MGRN1: variants seen among roughly 807,000 people sequenced by gnomAD.
The protein encoded by MGRN1 is mahogunin ring finger 1.
A neutral mutation model predicts 69.2 loss-of-function variants in MGRN1; 29 were observed. The ratio of observed to expected loss-of-function variants is 0.42; its 90% CI spans 0.31 to 0.57. The LOEUF is 0.57. Ranked by LOEUF, MGRN1 falls within the 20% of genes least tolerant of loss-of-function variation. The probability of loss-of-function intolerance (pLI) is 0.15; values close to 1 mark genes in which losing one functional copy is unlikely to be tolerated. For missense variants in MGRN1, 998 were observed against 796.2 expected (o/e 1.25, Z -3.05); for synonymous variants, 470 against 344.2 (o/e 1.37, Z -4.04).
At chr16:4,656,359 C>A (rs2078537925) in intron 4 of MGRN1, among the ~76,000 whole-genome samples, 1 of 152,204 alleles carries the variant, frequency 6.6e-6, no homozygotes, top group Admixed American at 6.5e-5. Context: ...GTTCACAGGA[C>A]ACAGCCCCTG....
rs2079092286 is a variant in MGRN1, at chr16:4,678,060, T to A, written c.1065+488T>A. Among the ~76,000 whole-genome samples the A allele has an allele frequency of 3.3e-5, 5 of 152,158 alleles. No individual in the cohort carries two copies. In the South Asian group the frequency reaches 1.0e-3, roughly 32 times the overall value. Reference sequence around the variant, plus strand: ...GTGGGGTTTCCCATGTTGCCCAGGCTGGTCTCGAACTCTTGGGCTCAAGTG... The same window carrying A: ...GTGGGGTTTCCCATGTTGCCCAGGCAGGTCTCGAACTCTTGGGCTCAAGTG... On this transcript the variant is annotated intron_variant, in intron 11 of 16. Transcript: ENST00000262370.
intron 1 of MGRN1, among the ~76,000 whole-genome samples, chr16:4,636,795 T>C (rs1287580274): frequency 2.0e-5 from 3 of 152,146 alleles, no homozygotes; most frequent in African/African-American, 7.2e-5. Context: ...GTCCTGCTGT[T>C]GAAGTGCCTT....
Position 4,688,792 on chromosome 16 carries a change from G to A in MGRN1, c.1619-4G>A, listed in dbSNP as rs562766524. On this transcript the variant is annotated splice_polypyrimidine_tract_variant and splice_region_variant and intron_variant, in intron 16 of 16. Coordinates refer to ENST00000262370, the MANE Select transcript of MGRN1 (RefSeq NM_015246.4). ...GACCCTCCTCCCTCTGCTCCCACCT[G>A]CAGGACGGCCCACCTCCATGGAGAC... 1.8e-5 allele frequency: 28 copies of A among 1,542,696 alleles called. No individual in the cohort carries two copies. In the South Asian group the frequency reaches 3.1e-4, roughly 17 times the overall value.
intron 1 of MGRN1, among the ~76,000 whole-genome samples, chr16:4,646,867 C>T (rs2078285382): frequency 6.6e-6 from 1 of 152,176 alleles, no homozygotes; most frequent in Non-Finnish European, 1.5e-5. Context: ...GCTTCTGGAC[C>T]AGGGACCTGT....
At chr16:4,665,731 G>A (rs1303867200) in intron 7 of MGRN1, among the ~76,000 whole-genome samples, 1 of 146,706 alleles carries the variant, frequency 6.8e-6, no homozygotes, top group Admixed American at 6.8e-5. Flanking sequence ...GTGCAGTGGT[G>A]GGATCTGTGT....
intron 10 of MGRN1, among the ~76,000 whole-genome samples, chr16:4,674,235 C>G (rs1336070052): frequency 6.6e-6 from 1 of 152,162 alleles, no homozygotes; most frequent in African/African-American, 2.4e-5. Context: ...CTGCCTGCCT[C>G]AGCCTCTCAA....
At chr16:4,685,600 A>T (rs1596320850) in intron 16 of MGRN1, among the ~76,000 whole-genome samples, 1 of 152,238 alleles carries the variant, frequency 6.6e-6, no homozygotes, top group South Asian at 2.1e-4. Context: ...GTTCTGAGCC[A>T]CGGAGAGCAC....
chr16:4,682,940 C>G lies in MGRN1; in HGVS notation c.1476C>G (p.Ser492=). ...AGCTGGCCCTGCGGGAAAGCAGCTC[C>G]CCTGAGGTGAGGCCCCCCCGGGGAA... ...GAELALRESS[S]PESFITEEVD... is the part of the protein sequence containing the mutation. Residue 492 remains serine, a synonymous_variant, in exon 14 of 17, where the codon TCC becomes TCG. Transcript: ENST00000262370. The G allele has an allele frequency of 6.3e-7, 1 of 1,576,132 alleles. No homozygotes were observed. The highest frequency in any genetic ancestry group is 8.6e-7 in the Non-Finnish European group (1 of 1,158,806).
chr16:4,687,954 C>A, intron 16 of MGRN1: 1 of 985,700 alleles, frequency 1.0e-6, no homozygotes, highest in South Asian at 4.7e-5. Flanking sequence ...CAGACGGCCC[C>A]GGCCTGCGCA....
chr16:4,642,930 G>A (rs2078194609), intron 1 of MGRN1, among the ~76,000 whole-genome samples: 1 of 151,808 alleles, frequency 6.6e-6, no homozygotes, highest in South Asian at 2.1e-4. Flanking sequence ...TGGACTGCAA[G>A]TACGCATCAC....
intron 10 of MGRN1, among the ~76,000 whole-genome samples, chr16:4,675,700 C>T (rs958668967): frequency 1.3e-5 from 2 of 151,136 alleles, no homozygotes; most frequent in Admixed American, 6.6e-5. Context: ...CACCACTGCA[C>T]CCCCGCCTGA....
chr16:4,651,867 A>G (rs1324725351), intron 2 of MGRN1, 96 bp from the exon 3 acceptor site: 3 of 1,079,566 alleles, frequency 2.8e-6, no homozygotes, highest in East Asian at 4.7e-5. Context: ...GATCCCAGGG[A>G]TACCCTCTGG....
intron 1 of MGRN1, among the ~76,000 whole-genome samples, chr16:4,648,078 C>T (rs999723452): frequency 1.3e-5 from 2 of 152,164 alleles, no homozygotes; most frequent in African/African-American, 4.8e-5. Flanking sequence ...CACCTGGCCT[C>T]AGGTGGGAAT....
rs375154638 is a variant in MGRN1 at position 4,668,124 on chromosome 16, C to CTT, written c.679-128_679-127dup. On this transcript the variant is annotated intron_variant, in intron 7 of 16. Coordinates refer to ENST00000262370, the MANE Select transcript of MGRN1 (RefSeq NM_015246.4). ...TCTTTCGCTGTCAAGTGGCCCCACCCTTTTTTTTTTTTTTCTTTTTTCTTT... is the reference window on the plus strand; with the variant it reads ...TCTTTCGCTGTCAAGTGGCCCCACCCTTTTTTTTTTTTTTTTCTTTTTTCTTT... The CTT allele has an allele frequency of 3.2e-3, 1,669 of 519,596 alleles. 2 individuals carry two copies. The highest frequency in any genetic ancestry group is 7.6e-3 in the African/African-American group (378 of 49,484). 32.2% of individuals were successfully genotyped at this position (519,596 alleles called of 1,614,324 possible).
At chr16:4,644,558 C>T (rs2078235523) in intron 1 of MGRN1, among the ~76,000 whole-genome samples, 1 of 152,138 alleles carries the variant, frequency 6.6e-6, no homozygotes, top group African/African-American at 2.4e-5. Context: ...GATCCACCCA[C>T]CTTGGCCTCC....
chr16:4,682,559 TCTC>T (rs962612095), intron 13 of MGRN1, among the ~76,000 whole-genome samples: 152 of 152,246 alleles, frequency 1.0e-3, no homozygotes, highest in African/African-American at 3.3e-3. Context: ...CGGTTTCTCT[TCTC>T]CTTCTAGAAA....
At chr16:4,650,139 C>G (rs959198650) in intron 1 of MGRN1, 39 of 433,334 alleles carry the variant, frequency 9.0e-5, no homozygotes, top group African/African-American at 7.2e-4. Context: ...CCCGTCTCCA[C>G]TAAGAATACA....
At chr16:4,651,604 A>G in intron 2 of MGRN1, among the ~76,000 whole-genome samples, 1 of 151,620 alleles carries the variant, frequency 6.6e-6, no homozygotes, top group Non-Finnish European at 1.5e-5. Flanking sequence ...GCTCGTAGGA[A>G]GCTTTGGGGA....
intron 5 of MGRN1, among the ~76,000 whole-genome samples, chr16:4,660,610 G>A (rs994229622): frequency 2.6e-5 from 4 of 152,236 alleles, no homozygotes; most frequent in Non-Finnish European, 4.4e-5. Flanking sequence ...GCAGGGGCGC[G>A]GGGGTGGATG....
Sources: gnomAD v4.1 joint callset for allele counts (sites outside exome capture counted in the v4.1 genomes callset) on GRCh38, gnomAD v4.1.1 for gene constraint, MANE v1.5 for transcripts, NCBI Gene and HGNC (gene_info 2026-07-23, HGNC 2026-07-21) for gene names.